Variants in MFHAS1 observed in about 807,000 individuals in gnomAD.
MFHAS1 encodes malignant fibrous histiocytoma-amplified sequence 1.
MFHAS1 carries 50 observed loss-of-function variants against 70.4 expected under a neutral mutation model. That is an observed-to-expected ratio of 0.71 (90% CI 0.57 to 0.90). The LOEUF is 0.90. MFHAS1 is among the 40% of genes least tolerant of loss of function. The probability of loss-of-function intolerance (pLI) is 0.00; values close to 1 mark genes in which losing one functional copy is unlikely to be tolerated. For synonymous variants in MFHAS1, 952 were observed against 620.0 expected (o/e 1.54, Z -7.96); for missense variants, 1,795 against 1,347.6 (o/e 1.33, Z -5.20).
At chr8:8,843,250 T>C (rs962861893) in intron 1 of MFHAS1, among the ~76,000 whole-genome samples, 1 of 143,478 alleles carries the variant, frequency 7.0e-6, no homozygotes, top group African/African-American at 2.7e-5. Context: ...CAGTCCCGCC[T>C]GGGCGACAGA....
chr8:8,792,630 CA>C (rs952603687), intron 2 of MFHAS1, among the ~76,000 whole-genome samples: 2 of 151,658 alleles, frequency 1.3e-5, no homozygotes, highest in African/African-American at 4.8e-5. Flanking sequence ...AAAAACAAAC[CA>C]AAAAAAACTT....
rs755297024 is a variant in MFHAS1 at position 8,892,018 on chromosome 8, G to T, written c.1041C>A (p.Leu347=). The T allele has an allele frequency of 6.2e-7, 1 of 1,613,558 alleles. No individual in the cohort carries two copies. Among genetic ancestry groups the T allele is most frequent in the East Asian group, 2.2e-5 (1 of 44,880 alleles). ...CCGCGATCTGGTTCCCCTGCAGCAC[G>T]AGCTCCTCCAGGCCGGTCAGCTCCA... ...SIVELTGLEE[L]VLQGNQIAVL... is the part of the protein sequence containing the mutation. Residue 347 remains leucine (L), a synonymous_variant, in exon 1 of 3, where the codon CTC becomes CTA. Transcript: ENST00000276282. The surrounding 1 kb of genome is among the most constrained non-coding windows in gnomAD (Gnocchi z 4.7).
Position 8,889,490 on chromosome 8 carries a change from G to C in MFHAS1, c.2998+571C>G, listed in dbSNP as rs368669453. On this transcript the variant is annotated intron_variant, in intron 1 of 2. Transcript: ENST00000276282. ...TAATTACATTCTGAATGTAAGCAGA[G>C]TGCTTAAATGCTTGAGGGGATGGAT... 3.6e-4 allele frequency among the ~76,000 whole-genome samples: 55 copies of C among 152,326 alleles called. No homozygotes were observed. In the South Asian group the frequency reaches 0.011, roughly 32 times the overall value.
Position 8,799,046 on chromosome 8 carries a change from TCAA to T in MFHAS1, c.2999-1558_2999-1556del, listed in dbSNP as rs1290851966. 7.9e-5 allele frequency among the ~76,000 whole-genome samples: 11 copies of T among 139,896 alleles called. No homozygotes were observed. In the South Asian group the frequency reaches 1.8e-3, roughly 23 times the overall value. 91.8% of individuals were successfully genotyped at this position (139,896 alleles called of 152,430 possible). A position where few individuals can be genotyped will look rare whatever the true frequency, so the allele number is the denominator to read the frequency against. ...CTGGGCGACAGAGTGAGAATCTGTC[TCAA>T]CAACAACAAAAAAAAAAAAAGAAAA... On this transcript the variant is annotated intron_variant, in intron 1 of 2. Transcript: ENST00000276282.
At chr8:8,804,452 C>G (rs1806210597) in intron 1 of MFHAS1, among the ~76,000 whole-genome samples, 1 of 152,236 alleles carries the variant, frequency 6.6e-6, no homozygotes, top group Non-Finnish European at 1.5e-5. Context: ...CCTTCAGCGT[C>G]TTGAAGCTTT....
At chr8:8,824,964 A>C (rs1046769645) in intron 1 of MFHAS1, among the ~76,000 whole-genome samples, 1 of 152,236 alleles carries the variant, frequency 6.6e-6, no homozygotes, top group Non-Finnish European at 1.5e-5. Flanking sequence ...TAGCATTTGC[A>C]GGTTCCCAGG....
chr8:8,883,330 G>A (rs913988051), intron 1 of MFHAS1, among the ~76,000 whole-genome samples: 9 of 152,080 alleles, frequency 5.9e-5, no homozygotes, highest in South Asian at 4.2e-4. Flanking sequence ...GCACCCACCC[G>A]CTGGTTTTCA....
intron 2 of MFHAS1, among the ~76,000 whole-genome samples, chr8:8,795,178 C>T (rs1224042000): frequency 3.3e-5 from 5 of 151,916 alleles, no homozygotes; most frequent in Non-Finnish European, 7.4e-5. Context: ...GTAATATCCC[C>T]TTGAGCTTTA....
At chr8:8,826,032 G>T (rs749839614) in intron 1 of MFHAS1, among the ~76,000 whole-genome samples, 1 of 152,102 alleles carries the variant, frequency 6.6e-6, no homozygotes, top group Non-Finnish European at 1.5e-5. Context: ...GTACCCAAGA[G>T]GTTCTGATAA....
intron 1 of MFHAS1, among the ~76,000 whole-genome samples, chr8:8,861,543 G>A (rs1174027029): frequency 2.0e-5 from 3 of 152,066 alleles, no homozygotes; most frequent in South Asian, 2.1e-4. Context: ...TAAGGAAATC[G>A]TATAATCAAA....
At chr8:8,799,285 GTAT>G (rs1485770966) in intron 1 of MFHAS1, among the ~76,000 whole-genome samples, 3 of 152,118 alleles carry the variant, frequency 2.0e-5, no homozygotes, top group Non-Finnish European at 4.4e-5. Context: ...ATAATATACT[GTAT>G]TAATAATTAA....
intron 1 of MFHAS1, among the ~76,000 whole-genome samples, chr8:8,797,858 C>T (rs1055927661): frequency 9.2e-5 from 14 of 152,126 alleles, no homozygotes; most frequent in Non-Finnish European, 1.6e-4. Context: ...GCAAGGGCTG[C>T]CAAGGAGGTG....
chr8:8,795,212 A>G (rs1346693515), intron 2 of MFHAS1, among the ~76,000 whole-genome samples: 3 of 152,188 alleles, frequency 2.0e-5, no homozygotes, highest in Non-Finnish European at 4.4e-5. Context: ...TATTAAAAAA[A>G]AGAGACAGAA....
chr8:8,808,235 T>C (rs1806406928), intron 1 of MFHAS1, among the ~76,000 whole-genome samples: 2 of 149,682 alleles, frequency 1.3e-5, no homozygotes, highest in South Asian at 2.2e-4. Context: ...GGAACCCTCC[T>C]CTGCCCAGTG....
intron 1 of MFHAS1, among the ~76,000 whole-genome samples, chr8:8,824,991 CCTG>C (rs1807103064): frequency 6.6e-6 from 1 of 152,196 alleles, no homozygotes; most frequent in African/African-American, 2.4e-5. Flanking sequence ...TCCTAGGGGA[CCTG>C]CTTTCACCAA....
chr8:8,830,727 C>G (rs377652538), intron 1 of MFHAS1, among the ~76,000 whole-genome samples: 2 of 152,130 alleles, frequency 1.3e-5, no homozygotes, highest in Non-Finnish European at 2.9e-5. Context: ...CTCAGCCTCC[C>G]GAGTAGCTGG....
chr8:8,840,461 CAAAAAAAAA>C (rs141909980), intron 1 of MFHAS1, among the ~76,000 whole-genome samples: 1 of 82,114 alleles, frequency 1.2e-5, no homozygotes, highest in Non-Finnish European at 2.6e-5. Flanking sequence ...CATCTCAATA[CAAAAAAAAA>C]AAAAAAAAAA....
intron 1 of MFHAS1, among the ~76,000 whole-genome samples, chr8:8,825,230 T>C (rs1451279536): frequency 6.6e-6 from 1 of 152,220 alleles, no homozygotes; most frequent in Non-Finnish European, 1.5e-5. Flanking sequence ...TGGAGTACAG[T>C]GGCGCAATCT....
intron 1 of MFHAS1, among the ~76,000 whole-genome samples, chr8:8,855,087 G>C (rs1808387155): frequency 6.6e-6 from 1 of 152,130 alleles, no homozygotes; most frequent in South Asian, 2.1e-4. Context: ...GGGGGGTTTG[G>C]TTCTAGGGCC....
Sources: allele counts gnomAD v4.1 joint callset (sites outside exome capture counted in the v4.1 genomes callset), GRCh38; gene constraint gnomAD v4.1.1; non-coding constraint Gnocchi (gnomAD v3.1); transcripts MANE v1.5; gene names NCBI Gene and HGNC (gene_info 2026-07-23, HGNC 2026-07-21).